LSP1: variants seen among roughly 807,000 people sequenced by gnomAD.
LSP1 encodes lymphocyte-specific protein 1.
A neutral mutation model predicts 49.3 loss-of-function variants in LSP1; 32 were observed. The ratio of observed to expected loss-of-function variants is 0.65; its 90% CI spans 0.49 to 0.87. LSP1 has a LOEUF of 0.87. Among genes scored for constraint, LSP1 ranks in the 40% least tolerant of loss-of-function variants. The probability of loss-of-function intolerance (pLI) is 0.00; values close to 1 mark genes in which losing one functional copy is unlikely to be tolerated. For missense variants in LSP1, 428 were observed against 442.6 expected, an observed-to-expected ratio of 0.97 and a Z score of 0.30; for synonymous variants, 179 against 178.8, an observed-to-expected ratio of 1.00 and a Z score of -0.01.
intron 1 of LSP1, among the ~76,000 whole-genome samples, chr11:1,877,536 T>G (rs1848362580): frequency 6.6e-6 from 1 of 152,168 alleles, no homozygotes; most frequent in South Asian, 2.1e-4. Flanking sequence ...CACCTGGGCC[T>G]CGTGCCAGGG....
chr11:1,871,925 G>A (rs1312307648), intron 1 of LSP1, among the ~76,000 whole-genome samples: 4 of 150,068 alleles, frequency 2.7e-5, no homozygotes, highest in Admixed American at 2.7e-4. Flanking sequence ...CTTTTGGGAG[G>A]GGGGGTGTGT....
At chr11:1,889,948 TG>T (rs1489232561) in intron 10 of LSP1, 1 of 626,486 alleles carries the variant, frequency 1.6e-6, no homozygotes, top group Admixed American at 2.8e-5. Context: ...GGACTTGGGG[TG>T]GCATCTCCAT....
At chr11:1,870,926 G>A (rs1699584651) in intron 1 of LSP1, 2 of 985,860 alleles carry the variant, frequency 2.0e-6, no homozygotes, top group Non-Finnish European at 2.4e-6. Flanking sequence ...GCGCTCCCGA[G>A]GGCCGTCGAG....
intron 1 of LSP1, among the ~76,000 whole-genome samples, chr11:1,875,017 G>T (rs1848248650): frequency 1.3e-5 from 2 of 152,180 alleles, no homozygotes; most frequent in South Asian, 4.1e-4. Context: ...GTGTGATGGG[G>T]TGGGGCCCAC....
At chr11:1,886,164 A>G (rs1441140099) in intron 7 of LSP1, among the ~76,000 whole-genome samples, 1 of 151,764 alleles carries the variant, frequency 6.6e-6, no homozygotes, top group Non-Finnish European at 1.5e-5. Context: ...CCTCCATCCA[A>G]CCAATACTCC....
chr11:1,880,017 T>C (rs1229881718), intron 1 of LSP1, 70 bp from the exon 2 acceptor site: 2 of 1,581,230 alleles, frequency 1.3e-6, no homozygotes, highest in Admixed American at 1.8e-5. Flanking sequence ...CCTGTGTAGA[T>C]GGGAGGAATG....
At chr11:1,877,995 C>T (rs1375581606) in intron 1 of LSP1, among the ~76,000 whole-genome samples, 1 of 152,078 alleles carries the variant, frequency 6.6e-6, no homozygotes, top group African/African-American at 2.4e-5. Flanking sequence ...TTCCAAGCCC[C>T]GCCTCCCCTA....
At chr11:1,881,319 G>T in intron 2 of LSP1, 113 bp from the exon 3 acceptor site, 1 of 1,045,172 alleles carries the variant, frequency 9.6e-7, no homozygotes, top group Non-Finnish European at 1.4e-6. Flanking sequence ...GTGGCAGACA[G>T]GGTCTCCCAC....
intron 1 of LSP1, among the ~76,000 whole-genome samples, chr11:1,877,308 G>A (rs1848352771): frequency 6.6e-6 from 1 of 152,184 alleles, no homozygotes. Flanking sequence ...AAAGGGAGGA[G>A]ACGTAGAAGG....
chr11:1,857,004 C>T (rs956664485), intron 1 of LSP1, among the ~76,000 whole-genome samples: 1 of 152,240 alleles, frequency 6.6e-6, no homozygotes, highest in African/African-American at 2.4e-5. Flanking sequence ...CCTACACCTT[C>T]CTGTGGTCAA....
chr11:1,886,917 G>A (rs760277273), intron 8 of LSP1, 51 bp downstream of exon 8: 2 of 1,586,202 alleles, frequency 1.3e-6, no homozygotes, highest in Non-Finnish European at 1.7e-6. Flanking sequence ...GCGCCTGGGA[G>A]TTTAGTAGCA....
chr11:1,877,615 C>T (rs533981193), intron 1 of LSP1, among the ~76,000 whole-genome samples: 27 of 151,734 alleles, frequency 1.8e-4, no homozygotes, highest in Admixed American at 7.2e-4. Flanking sequence ...AGTGAGGCTG[C>T]GGCACCCTGA....
chr11:1,873,366 C>G (rs1033258805), intron 1 of LSP1, among the ~76,000 whole-genome samples: 2 of 152,106 alleles, frequency 1.3e-5, no homozygotes, highest in African/African-American at 4.8e-5. Flanking sequence ...CCCCTCTGTG[C>G]TTCTTGATCC....
chr11:1,866,382 G>C (rs1847788958), intron 1 of LSP1: 1 of 1,170,714 alleles, frequency 8.5e-7, no homozygotes, highest in Admixed American at 2.9e-5. Flanking sequence ...ATGCCCATGG[G>C]GGTGAGCTAA....
intron 1 of LSP1, chr11:1,876,444 C>T (rs534654470): frequency 2.5e-5 from 25 of 985,506 alleles, no homozygotes; most frequent in Non-Finnish European, 1.6e-5. Flanking sequence ...CCCCTCCCCT[C>T]GACATCCTCC....
At chr11:1,888,558 C>T (rs77413927) in intron 10 of LSP1, 4,252 of 152,500 alleles carry the variant, frequency 0.028, 104 homozygotes, top group African/African-American at 0.068. Flanking sequence ...CCCTGCCTGC[C>T]CCTGAGCACT....
At chr11:1,858,773 G>A (rs970707238) in intron 1 of LSP1, among the ~76,000 whole-genome samples, 3 of 152,236 alleles carry the variant, frequency 2.0e-5, no homozygotes, top group Admixed American at 2.0e-4. Flanking sequence ...TGGAGGGGCT[G>A]CATGGGGGTG....
At chr11:1,860,543 T>A (rs1394760359) in intron 1 of LSP1, among the ~76,000 whole-genome samples, 1 of 152,138 alleles carries the variant, frequency 6.6e-6, no homozygotes, top group Non-Finnish European at 1.5e-5. Flanking sequence ...TGTATGTATA[T>A]ATGGATGTTT....
intron 7 of LSP1, 22 bp from the exon 8 acceptor site, chr11:1,886,710 T>C (rs11041676): frequency 0.48 from 764,450 of 1,593,614 alleles, 188,189 homozygotes; most frequent in East Asian, 0.8. Flanking sequence ...AAGGTAATCC[T>C]GATGCTTTTC....
Sources: gnomAD v4.1 joint callset for allele counts (sites outside exome capture counted in the v4.1 genomes callset) on GRCh38, gnomAD v4.1.1 for gene constraint, MANE v1.5 for transcripts, NCBI Gene and HGNC (gene_info 2026-07-23, HGNC 2026-07-21) for gene names.